MVP: variants seen among roughly 807,000 people sequenced by gnomAD.
MVP encodes the protein lung resistance-related protein.
A neutral mutation model predicts 83.5 loss-of-function variants in MVP; 62 were observed. The ratio of observed to expected loss-of-function variants is 0.74; its 90% CI spans 0.61 to 0.92. The LOEUF (loss-of-function observed/expected upper bound fraction) is 0.92. Ranked by LOEUF, MVP falls within the 40% of genes least tolerant of loss-of-function variation. The pLI is 0.00. For missense variants in MVP, 1,000 were observed against 1,203.4 expected, an observed-to-expected ratio of 0.83 and a Z score of 2.50; for synonymous variants, 505 against 504.1, an observed-to-expected ratio of 1.00 and a Z score of -0.02.
At chr16:29,842,986 C>G (rs1377624852) in intron 10 of MVP, among the ~76,000 whole-genome samples, 1 of 152,232 alleles carries the variant, frequency 6.6e-6, no homozygotes, top group African/African-American at 2.4e-5. Context: ...ACTGACTGCC[C>G]TGGCCTGCGC....
intron 1 of MVP, among the ~76,000 whole-genome samples, chr16:29,825,632 G>A (rs2067399710): frequency 6.6e-6 from 1 of 152,194 alleles, no homozygotes; most frequent in South Asian, 2.1e-4. Flanking sequence ...GTTGCCGAGG[G>A]CTTGGCCTCA....
At chr16:29,838,501 T>C (rs1159931093) in intron 7 of MVP, among the ~76,000 whole-genome samples, 2 of 151,802 alleles carry the variant, frequency 1.3e-5, no homozygotes, top group East Asian at 1.9e-4. Flanking sequence ...AATTGTAGCA[T>C]ATCCATACAA....
chr16:29,842,093 C>T lies in MVP; in HGVS notation c.1615C>T (p.Leu539=). 1 of 1,603,454 alleles carries T rather than the reference C, an allele frequency of 6.2e-7. No individual in the cohort carries two copies. Among genetic ancestry groups the T allele is most frequent in the Admixed American group, 1.7e-5 (1 of 59,570 alleles). Residue 539 remains leucine, a synonymous_variant, in exon 10 of 15, where the codon CTG becomes TTG. Transcript: ENST00000357402. ...IETADHARLQ[L]QLAYNWHFEV... ...AACGGCGGATCATGCCAGGCTGCAA[C>T]TGCAGCTGGCCTACAACTGGTAAAA... is the stretch of plus-strand genomic sequence containing the variant.
At position 29,846,296 on chromosome 16, in the gene MVP, G is replaced by A. The variant is rs764540696; in HGVS notation, c.2265+12G>A. 8 of 1,551,102 alleles carry A rather than the reference G, an allele frequency of 5.2e-6. No homozygotes were observed. The South Asian group carries it at 8.3e-5, about 16-fold the overall frequency. On this transcript the variant is annotated intron_variant, in intron 13 of 14. Coordinates refer to ENST00000357402, the MANE Select transcript of MVP (RefSeq NM_005115.5). ...TGGCCATTGAAACGGTGAGTGGGGG[G>A]AGGCATTAAGAAGAGGGTGGCCTTG...
chr16:29,835,580 C>T lies in MVP; in HGVS notation c.578-124C>T, dbSNP rs2067479298. On this transcript the variant is annotated intron_variant, in intron 5 of 14. Coordinates refer to ENST00000357402, the MANE Select transcript of MVP (RefSeq NM_005115.5). Reference sequence around the variant, plus strand: ...GAGGACCGCAGTCAGGAACTTGAGCCTGGGGTCAGTGCTATCTTTTTGCCT... The same window carrying T: ...GAGGACCGCAGTCAGGAACTTGAGCTTGGGGTCAGTGCTATCTTTTTGCCT... The T allele has an allele frequency of 6.2e-6, 4 of 647,864 alleles. No individual in the cohort carries two copies. The Admixed American group carries it at 8.2e-5, about 13-fold the overall frequency. 40.1% of individuals were successfully genotyped at this position (647,864 alleles called of 1,614,324 possible). A position where few individuals can be genotyped will look rare whatever the true frequency, so the allele number is the denominator to read the frequency against.
Position 29,846,268 on chromosome 16 carries a change from C to A in MVP, c.2249C>A (p.Ala750Asp). ...SVLQAKLKAQ[A>D]LAIETEAELQ... Reference sequence around the variant, plus strand: ...CTGCAGGCCAAGCTAAAAGCACAGGCCTTGGCCATTGAAACGGTGAGTGGG... The same window carrying A: ...CTGCAGGCCAAGCTAAAAGCACAGGACTTGGCCATTGAAACGGTGAGTGGG... The change falls in exon 13 of 15, where the codon GCC becomes GAC. Residue 750 changes from alanine to aspartate, a missense_variant. Transcript: ENST00000357402. 6.4e-7 allele frequency: 1 copy of A among 1,567,372 alleles called. No homozygotes were observed. The highest frequency in any genetic ancestry group is 8.7e-7 in the Non-Finnish European group (1 of 1,155,504).
At chr16:29,835,285 G>A (rs1482005827) in intron 5 of MVP, 1 of 155,892 alleles carries the variant, frequency 6.4e-6, no homozygotes, top group East Asian at 1.9e-4. Flanking sequence ...CTTGAGGCCA[G>A]GAGTTCCAGA....
intron 3 of MVP, 96 bp from the exon 4 acceptor site, chr16:29,833,637 C>G: frequency 6.5e-7 from 1 of 1,542,318 alleles, no homozygotes; most frequent in South Asian, 1.2e-5. Context: ...TCAGGACATA[C>G]AGAGATGGAT....
chr16:29,824,079 G>A (rs1010403655), intron 1 of MVP, among the ~76,000 whole-genome samples: 1 of 151,618 alleles, frequency 6.6e-6, no homozygotes, highest in Admixed American at 6.6e-5. Context: ...ATCTGGGTGT[G>A]GTGGCGGACA....
intron 3 of MVP, chr16:29,831,740 C>T: frequency 2.2e-6 from 1 of 455,966 alleles, no homozygotes; most frequent in Non-Finnish European, 4.4e-6. Flanking sequence ...CACTGGTGGG[C>T]AGTGCCAAAG....
rs760648209 is a variant in MVP, at chr16:29,846,142, T to A, written c.2139-16T>A. Reference sequence around the variant, plus strand: ...GGCTGTCTCCCGGGTCTTACCTGACTCTGCCTTCTCCCCAGCATGGCCGTG... The same window carrying A: ...GGCTGTCTCCCGGGTCTTACCTGACACTGCCTTCTCCCCAGCATGGCCGTG... On this transcript the variant is annotated splice_polypyrimidine_tract_variant and intron_variant, in intron 12 of 14. Coordinates refer to ENST00000357402, the MANE Select transcript of MVP (RefSeq NM_005115.5). The A allele has an allele frequency of 6.2e-6, 10 of 1,606,214 alleles. No individual in the cohort carries two copies. Among genetic ancestry groups the A allele is most frequent in the Non-Finnish European group, 7.7e-6 (9 of 1,175,284 alleles).
chr16:29,836,791 G>T lies in MVP; in HGVS notation c.742G>T (p.Glu248Ter). ...FRGVSRRTGE[E>*]WLVTVQDTEA... ...GGGAGTGTCCCGCCGCACTGGGGAG[G>T]AGTGGCTGGTAACAGTGCAGGACAC... The change falls in exon 7 of 15, where the codon GAG (glutamate) becomes TAG (stop). Residue 248 changes from glutamate to a stop codon, truncating the protein, a stop_gained. Coordinates refer to ENST00000357402, the MANE Select transcript of MVP (RefSeq NM_005115.5). LOFTEE classifies it high-confidence loss of function. 6.2e-7 allele frequency: 1 copy of T among 1,613,364 alleles called. No homozygotes were observed. Among genetic ancestry groups the T allele is most frequent in the Non-Finnish European group, 8.5e-7 (1 of 1,179,618 alleles).
At chr16:29,833,432 G>T (rs1030076936) in intron 3 of MVP, 2 of 307,560 alleles carry the variant, frequency 6.5e-6, no homozygotes, top group South Asian at 3.0e-5. Context: ...GAGTAGCTGG[G>T]ACTACAGGTG....
chr16:29,832,080 C>G lies in MVP; in HGVS notation c.321+1007C>G, dbSNP rs73528363. 9.0e-3 allele frequency among the ~76,000 whole-genome samples: 1,360 copies of G among 151,748 alleles called. 16 individuals are homozygous for G. Among genetic ancestry groups the G allele is most frequent in the African/African-American group, 0.031 (1,285 of 41,390 alleles). The stretch of plus-strand genomic sequence containing the variant: ...CAGGCATGAGCCACCGTGTCCAGCC[C>G]CATTTAATGGTTTTCTTACTGACTT... On this transcript the variant is annotated intron_variant, in intron 3 of 14. Coordinates refer to ENST00000357402, the MANE Select transcript of MVP (RefSeq NM_005115.5).
Position 29,847,214 on chromosome 16 carries a change from G to A in MVP, c.2283G>A (p.Arg761=). 6.2e-7 allele frequency: 1 copy of A among 1,613,454 alleles called. No individual in the cohort carries two copies. The highest frequency in any genetic ancestry group is 2.2e-5 in the East Asian group (1 of 44,854). ...LAIETEAELQ[R]VQKVRELELV... is the part of the protein sequence containing the mutation. Reference sequence around the variant, plus strand: ...TCTTCCAGGAGGCTGAGCTCCAGAGGGTCCAGAAGGTCCGAGAGCTGGAAC... The same window carrying A: ...TCTTCCAGGAGGCTGAGCTCCAGAGAGTCCAGAAGGTCCGAGAGCTGGAAC... Residue 761 remains arginine, a synonymous_variant, in exon 14 of 15, where the codon AGG becomes AGA. Coordinates refer to ENST00000357402, the MANE Select transcript of MVP (RefSeq NM_005115.5).
In MVP at chr16:29,847,381, T is replaced by C. The variant is rs565772325; in HGVS notation, c.2450T>C (p.Met817Thr). The change falls in exon 14 of 15, where the codon ATG becomes ACG. Residue 817 changes from methionine to threonine, a missense_variant. Transcript: ENST00000357402. ...GACCTTGCTGTGGCTGGGCCTGAGATGCAGGTGAGAGTTGGGGAAGGTGTG... is the reference window on the plus strand; with the variant it reads ...GACCTTGCTGTGGCTGGGCCTGAGACGCAGGTGAGAGTTGGGGAAGGTGTG... ...IRDLAVAGPE[M>T]QVKLLQSLGL... is the part of the protein sequence containing the mutation. The C allele has an allele frequency of 4.5e-6, 7 of 1,545,646 alleles. No homozygotes were observed. Among genetic ancestry groups the C allele is most frequent in the Non-Finnish European group, 6.1e-6 (7 of 1,150,248 alleles).
chr16:29,839,055 G>A (rs1349101204), intron 7 of MVP, among the ~76,000 whole-genome samples: 1 of 151,990 alleles, frequency 6.6e-6, no homozygotes, highest in Non-Finnish European at 1.5e-5. Flanking sequence ...CATGATGGCG[G>A]GTGCCTGTAA....
intron 1 of MVP, among the ~76,000 whole-genome samples, chr16:29,821,575 C>T (rs898022816): frequency 2.0e-5 from 3 of 152,164 alleles, no homozygotes; most frequent in Admixed American, 2.0e-4. Context: ...CAGTACACAG[C>T]CCCACCCAGG....
intron 6 of MVP, among the ~76,000 whole-genome samples, chr16:29,836,297 G>A (rs949431432): frequency 8.6e-5 from 13 of 151,328 alleles, no homozygotes; most frequent in Middle Eastern, 3.5e-3. Flanking sequence ...AAAGCCGGTC[G>A]GGTGCAGTGG....
Sources: gnomAD v4.1 joint callset for allele counts (sites outside exome capture counted in the v4.1 genomes callset) on GRCh38, gnomAD v4.1.1 for gene constraint, MANE v1.5 for transcripts, NCBI Gene and HGNC (gene_info 2026-07-23, HGNC 2026-07-21) for gene names.